The following DOCK2 variants were observed in gnomAD, a reference collection of about 807,000 sequenced individuals.
DOCK2 encodes dedicator of cytokinesis 2.
A neutral mutation model predicts 248.9 loss-of-function variants in DOCK2; 87 were observed. The observed-to-expected ratio is 0.35, with a 90% CI of 0.29 to 0.42. DOCK2 has a LOEUF of 0.42. Ranked by LOEUF, DOCK2 falls within the 10% of genes least tolerant of loss-of-function variation. DOCK2 has a pLI of 1.00. For synonymous variants in DOCK2, 805 were observed against 821.6 expected, an observed-to-expected ratio of 0.98 and a Z score of 0.35; for missense variants, 1,747 against 2,300.2, an observed-to-expected ratio of 0.76 and a Z score of 4.92.
chr5:170,072,143 A>C (rs1757698791), intron 46 of DOCK2, among the ~76,000 whole-genome samples: 1 of 152,192 alleles, frequency 6.6e-6, no homozygotes, highest in South Asian at 2.1e-4. Context: ...GTATATACCT[A>C]TGCATTGATT....
intron 29 of DOCK2, among the ~76,000 whole-genome samples, chr5:169,992,350 G>A (rs2113794442): frequency 6.6e-6 from 1 of 152,368 alleles, no homozygotes; most frequent in African/African-American, 2.4e-5. Flanking sequence ...GTGCTAGGTT[G>A]AGATCTGATA....
At position 169,785,821 on chromosome 5, in the gene DOCK2, T is replaced by C. The variant is rs544455634; in HGVS notation, c.2555-17237T>C. ...GGCTTCTTCTGCTGGCCATTAGTGT[T>C]TTTTTGTGGAATGCTCCTTCATTGG... is the stretch of plus-strand genomic sequence containing the variant. On this transcript the variant is annotated intron_variant, in intron 25 of 51. Transcript: ENST00000520908. 6.2e-4 allele frequency among the ~76,000 whole-genome samples: 95 copies of C among 152,258 alleles called. 2 individuals are homozygous for C. In the East Asian group the frequency reaches 0.016, roughly 25 times the overall value.
At chr5:170,006,972 A>G (rs1366522960) in intron 30 of DOCK2, among the ~76,000 whole-genome samples, 1 of 152,214 alleles carries the variant, frequency 6.6e-6, no homozygotes, top group Admixed American at 6.5e-5. Context: ...ATAATAGAGG[A>G]ATAAGAGCTG....
chr5:169,753,371 C>A (rs2625383), intron 23 of DOCK2, among the ~76,000 whole-genome samples: 40,879 of 144,502 alleles, frequency 0.28, 7,347 homozygotes, highest in African/African-American at 0.57. Context: ...CCCCCACCCC[C>A]TGACAGCTCC....
intron 27 of DOCK2, among the ~76,000 whole-genome samples, chr5:169,866,643 G>T (rs1216842936): frequency 6.6e-6 from 1 of 152,234 alleles, no homozygotes; most frequent in African/African-American, 2.4e-5. Context: ...TGTGTCCTCA[G>T]TGCTGGCATC....
At position 170,027,953 on chromosome 5, in the gene DOCK2, G is replaced by T; in HGVS notation, c.3467+5G>T. 1.9e-6 allele frequency: 3 copies of T among 1,611,292 alleles called. No individual in the cohort carries two copies. Among genetic ancestry groups the T allele is most frequent in the Non-Finnish European group, 2.5e-6 (3 of 1,178,368 alleles). ...CATGCAGCTCCTGGAGTCAATGTAAGTTCAGTGCCCTGTGTGTAGGAACAG... is the reference window on the plus strand; with the variant it reads ...CATGCAGCTCCTGGAGTCAATGTAATTTCAGTGCCCTGTGTGTAGGAACAG... On this transcript the variant is annotated splice_donor_5th_base_variant and intron_variant, in intron 34 of 51. Transcript: ENST00000520908.
intron 27 of DOCK2, among the ~76,000 whole-genome samples, chr5:169,866,419 A>G (rs1434629145): frequency 1.3e-5 from 2 of 152,246 alleles, no homozygotes; most frequent in African/African-American, 4.8e-5. Context: ...CTCATCTGCA[A>G]AATGAGTAGT....
At chr5:169,709,784 C>A (rs889470302) in intron 15 of DOCK2, among the ~76,000 whole-genome samples, 4 of 152,084 alleles carry the variant, frequency 2.6e-5, no homozygotes, top group Non-Finnish European at 5.9e-5. Context: ...ATGTGAGAAA[C>A]TTGAGAACAA....
intron 46 of DOCK2, among the ~76,000 whole-genome samples, chr5:170,070,702 G>A (rs1757651660): frequency 6.6e-6 from 1 of 152,200 alleles, no homozygotes; most frequent in Non-Finnish European, 1.5e-5. Flanking sequence ...GATTTGCTTA[G>A]TTGTTGGATG....
intron 23 of DOCK2, among the ~76,000 whole-genome samples, chr5:169,755,844 T>G (rs573690850): frequency 6.6e-6 from 1 of 152,324 alleles, no homozygotes; most frequent in South Asian, 2.1e-4. Flanking sequence ...ATAGGTCTTA[T>G]GGTTGAGGTG....
intron 25 of DOCK2, among the ~76,000 whole-genome samples, chr5:169,792,198 A>C (rs1766379369): frequency 6.6e-6 from 1 of 152,156 alleles, no homozygotes; most frequent in South Asian, 2.1e-4. Flanking sequence ...AGCACTTATA[A>C]ATCCATGTGA....
intron 28 of DOCK2, among the ~76,000 whole-genome samples, chr5:169,984,182 A>T (rs80009285): frequency 0.026 from 3,950 of 152,250 alleles, 129 homozygotes; most frequent in South Asian, 0.15. Context: ...CGTAGCTAGT[A>T]TGTGGTGGAG....
intron 26 of DOCK2, among the ~76,000 whole-genome samples, chr5:169,813,016 T>C (rs1474498479): frequency 2.6e-5 from 4 of 152,234 alleles, no homozygotes; most frequent in Admixed American, 6.5e-5. Context: ...CTGGACCTCA[T>C]AGGAATTCCT....
chr5:169,695,795 C>T lies in DOCK2; in HGVS notation c.844-8C>T, dbSNP rs553926409. 6.1e-5 allele frequency: 98 copies of T among 1,610,444 alleles called. No homozygotes were observed. Among genetic ancestry groups the T allele is most frequent in the South Asian group, 1.8e-4 (16 of 90,272 alleles). The stretch of plus-strand genomic sequence containing the variant: ...ATGATGGTCAATTTTTTGTTTCTTT[C>T]CCCCCAGGATCTTGGAAACAAAGAC... On this transcript the variant is annotated splice_region_variant and splice_polypyrimidine_tract_variant and intron_variant, in intron 9 of 51. Coordinates refer to ENST00000520908, the MANE Select transcript of DOCK2 (RefSeq NM_004946.3).
At chr5:169,799,456 A>G (rs1054821047) in intron 25 of DOCK2, among the ~76,000 whole-genome samples, 2 of 152,208 alleles carry the variant, frequency 1.3e-5, no homozygotes, top group Non-Finnish European at 2.9e-5. Context: ...TTTTTCTACA[A>G]CAAGAATTTC....
At chr5:169,739,862 T>A (rs1763221089) in intron 22 of DOCK2, among the ~76,000 whole-genome samples, 1 of 152,218 alleles carries the variant, frequency 6.6e-6, no homozygotes, top group Non-Finnish European at 1.5e-5. Flanking sequence ...GTAGATGATG[T>A]AATCTATATA....
intron 27 of DOCK2, chr5:169,864,152 A>T (rs1361748175): frequency 2.3e-6 from 2 of 870,344 alleles, no homozygotes; most frequent in African/African-American, 3.4e-5. Context: ...TCTGTTTCAC[A>T]GGCCAAGGGG....
At position 169,724,820 on chromosome 5, in the gene DOCK2, T is replaced by C. The variant is rs80267295; in HGVS notation, c.2267+6029T>C. Among the ~76,000 whole-genome samples, 503 of 151,646 alleles carry C rather than the reference T, an allele frequency of 3.3e-3. 25 individuals are homozygous for C. The East Asian group carries it at 0.08, about 24-fold the overall frequency. On this transcript the variant is annotated intron_variant, in intron 22 of 51. Transcript: ENST00000520908. ...ACCCTACCAATCAACCTCCACCTTA[T>C]CCCCTCCCACCAGCTCAGTTTCTTC...
At chr5:169,750,500 A>G (rs1763841789) in intron 23 of DOCK2, among the ~76,000 whole-genome samples, 1 of 152,156 alleles carries the variant, frequency 6.6e-6, no homozygotes, top group Non-Finnish European at 1.5e-5. Context: ...TTGTCTGCAA[A>G]AGAACAAATT....
Sources: gnomAD v4.1 joint callset for allele counts (sites outside exome capture counted in the v4.1 genomes callset) on GRCh38, gnomAD v4.1.1 for gene constraint, MANE v1.5 for transcripts, NCBI Gene and HGNC (gene_info 2026-07-23, HGNC 2026-07-21) for gene names.